Variants in SNX29 observed in about 807,000 individuals in gnomAD.
SNX29 encodes the protein sorting nexin-29.
SNX29 carries 78 observed loss-of-function variants against 102.1 expected under a neutral mutation model. The ratio of observed to expected loss-of-function variants is 0.76; its 90% CI spans 0.64 to 0.92. The LOEUF is 0.92. Among genes scored for constraint, SNX29 ranks in the 40% least tolerant of loss-of-function variants. The pLI is 0.00. For synonymous variants in SNX29, 580 were observed against 414.5 expected, an observed-to-expected ratio of 1.40 and a Z score of -4.85; for missense variants, 1,280 against 1,061.7, an observed-to-expected ratio of 1.21 and a Z score of -2.86.
At chr16:12,202,654 T>A (rs2076941385) in intron 14 of SNX29, among the ~76,000 whole-genome samples, 1 of 152,218 alleles carries the variant, frequency 6.6e-6, no homozygotes. Flanking sequence ...TAGGGAAGTT[T>A]CACTTATGAA....
At chr16:12,204,004 G>C (rs1022670827) in intron 14 of SNX29, among the ~76,000 whole-genome samples, 1 of 152,160 alleles carries the variant, frequency 6.6e-6, no homozygotes, top group Non-Finnish European at 1.5e-5. Flanking sequence ...TACCTGGATG[G>C]CTCTGGCTAG....
intron 10 of SNX29, among the ~76,000 whole-genome samples, chr16:12,075,916 C>G (rs556702262): frequency 6.6e-6 from 1 of 152,340 alleles, no homozygotes; most frequent in Non-Finnish European, 1.5e-5. Context: ...AGTTTGATCT[C>G]AGACTGCTGT....
At chr16:12,478,026 A>G (rs1220444812) in intron 19 of SNX29, among the ~76,000 whole-genome samples, 167 bp downstream of exon 19, 1 of 152,266 alleles carries the variant, frequency 6.6e-6, no homozygotes, top group African/African-American at 2.4e-5. Flanking sequence ...TCCACCACCT[A>G]AAGATGGTCA....
chr16:12,430,616 A>C (rs2085270652), intron 18 of SNX29, among the ~76,000 whole-genome samples: 1 of 152,232 alleles, frequency 6.6e-6, no homozygotes, highest in African/African-American at 2.4e-5. Flanking sequence ...AAATTAATAA[A>C]GTGTTATTAC....
intron 15 of SNX29, among the ~76,000 whole-genome samples, chr16:12,340,009 G>A (rs1596986813): frequency 6.6e-6 from 1 of 152,218 alleles, no homozygotes; most frequent in African/African-American, 2.4e-5. Flanking sequence ...GAGAGAAAAA[G>A]AGAGATGTTC....
chr16:12,287,447 C>T (rs1482835290), intron 15 of SNX29, among the ~76,000 whole-genome samples: 1 of 152,132 alleles, frequency 6.6e-6, no homozygotes, highest in East Asian at 1.9e-4. Context: ...ATACTCATCA[C>T]CCTACTTCAA....
At chr16:12,502,897 A>G (rs1207445438) in intron 19 of SNX29, among the ~76,000 whole-genome samples, 1 of 152,242 alleles carries the variant, frequency 6.6e-6, no homozygotes, top group Non-Finnish European at 1.5e-5. Flanking sequence ...AGGAGCGATT[A>G]GAGCTGCCAG....
chr16:12,350,668 C>T (rs1411794476), intron 15 of SNX29, among the ~76,000 whole-genome samples: 1 of 152,200 alleles, frequency 6.6e-6, no homozygotes, highest in Non-Finnish European at 1.5e-5. Context: ...AAGAGGAAAA[C>T]TGTTTCCTAC....
intron 15 of SNX29, among the ~76,000 whole-genome samples, chr16:12,328,774 T>C (rs867168253): frequency 1.1e-4 from 17 of 152,206 alleles, no homozygotes; most frequent in Non-Finnish European, 2.2e-4. Context: ...TTTTTCATTA[T>C]TGCCACAAAT....
chr16:12,001,305 G>A (rs1413078022), intron 2 of SNX29, among the ~76,000 whole-genome samples: 1 of 152,116 alleles, frequency 6.6e-6, no homozygotes, highest in Non-Finnish European at 1.5e-5. Flanking sequence ...TAGAGGTGGG[G>A]TTTCACCATG....
In SNX29 at chr16:12,569,703, G is replaced by C. The variant is rs1253089223; in HGVS notation, c.*1074G>C. 1.3e-5 allele frequency: 3 copies of C among 230,536 alleles called. No homozygotes were observed. Among genetic ancestry groups the C allele is most frequent in the Non-Finnish European group, 2.6e-5 (3 of 116,434 alleles). 14.3% of individuals were successfully genotyped at this position (230,536 alleles called of 1,614,324 possible). A position where few individuals can be genotyped will look rare whatever the true frequency, so the allele number is the denominator to read the frequency against. On this transcript the variant is annotated 3_prime_UTR_variant, in exon 21 of 21. Transcript: ENST00000566228. ...GTACAGGGACCTTGGCAGGTGGAGAGGAGGATGGGGACCAGCAGCTGGGCA... is the reference window on the plus strand; with the variant it reads ...GTACAGGGACCTTGGCAGGTGGAGACGAGGATGGGGACCAGCAGCTGGGCA...
chr16:12,291,975 C>T (rs1428468059), intron 15 of SNX29, among the ~76,000 whole-genome samples: 2 of 152,116 alleles, frequency 1.3e-5, no homozygotes, highest in Non-Finnish European at 1.5e-5. Flanking sequence ...GTAGAGTTAG[C>T]GTCATAAAAC....
chr16:12,362,181 C>T (rs1196738970), intron 16 of SNX29, among the ~76,000 whole-genome samples: 1 of 152,200 alleles, frequency 6.6e-6, no homozygotes, highest in Non-Finnish European at 1.5e-5. Context: ...TGGATTTCCC[C>T]AGGTCCCTGT....
intron 13 of SNX29, among the ~76,000 whole-genome samples, chr16:12,181,883 CTT>C (rs397854786): frequency 3.5e-5 from 5 of 141,276 alleles, no homozygotes; most frequent in Admixed American, 2.8e-4. Context: ...GGGCTTCTGC[CTT>C]TTTTTTTTTT....
chr16:12,450,032 G>C (rs765781759), intron 18 of SNX29, among the ~76,000 whole-genome samples: 16 of 152,044 alleles, frequency 1.1e-4, no homozygotes, highest in Non-Finnish European at 1.9e-4. Flanking sequence ...ATTCTCAGGA[G>C]AGCTGATGGT....
At chr16:12,448,498 A>G (rs1170860910) in intron 18 of SNX29, among the ~76,000 whole-genome samples, 1 of 150,342 alleles carries the variant, frequency 6.7e-6, no homozygotes, top group Non-Finnish European at 1.5e-5. Flanking sequence ...CCACCAAGTC[A>G]GTGATCCTGT....
intron 15 of SNX29, among the ~76,000 whole-genome samples, chr16:12,307,789 T>A (rs540351446): frequency 6.6e-6 from 1 of 152,358 alleles, no homozygotes; most frequent in East Asian, 1.9e-4. Context: ...TAGCCATCAA[T>A]GGCAAAACAC....
At chr16:12,255,266 G>C (rs2078536694) in intron 14 of SNX29, among the ~76,000 whole-genome samples, 1 of 152,062 alleles carries the variant, frequency 6.6e-6, no homozygotes, top group African/African-American at 2.4e-5. Context: ...CGTGATCTCG[G>C]CTCACTGCCA....
At chr16:12,165,624 A>C (rs1429988248) in intron 13 of SNX29, among the ~76,000 whole-genome samples, 1 of 152,162 alleles carries the variant, frequency 6.6e-6, no homozygotes, top group African/African-American at 2.4e-5. Context: ...GCAGTGTTGC[A>C]ATCTTGGCCC....
Sources: gnomAD v4.1 joint callset for allele counts (sites outside exome capture counted in the v4.1 genomes callset) on GRCh38, gnomAD v4.1.1 for gene constraint, MANE v1.5 for transcripts, NCBI Gene and HGNC (gene_info 2026-07-23, HGNC 2026-07-21) for gene names.